The following PDE1C variants were observed in gnomAD, a reference collection of about 807,000 sequenced individuals.
PDE1C encodes dual specificity calcium/calmodulin-dependent 3',5'-cyclic nucleotide phosphodiesterase 1C.
PDE1C carries 62 observed loss-of-function variants against 93.1 expected under a neutral mutation model. The ratio of observed to expected loss-of-function variants is 0.67; its 90% CI spans 0.54 to 0.82. PDE1C has a LOEUF of 0.82. Ranked by LOEUF, PDE1C falls within the 40% of genes least tolerant of loss-of-function variation. PDE1C has a pLI of 0.00. For missense variants in PDE1C, 742 were observed against 884.6 expected (o/e 0.84, Z 2.04); for synonymous variants, 325 against 310.1 (o/e 1.05, Z -0.50).
chr7:31,823,330 G>C (rs1478703165), intron 13 of PDE1C, 82 bp from the exon 14 acceptor site: 1 of 1,091,066 alleles, frequency 9.2e-7, no homozygotes, highest in Non-Finnish European at 1.3e-6. Flanking sequence ...GAGGAGGAAT[G>C]GTTAGCACTC....
At chr7:32,320,921 G>C (rs1783279154) in intron 1 of PDE1C, among the ~76,000 whole-genome samples, 1 of 152,122 alleles carries the variant, frequency 6.6e-6, no homozygotes, top group Admixed American at 6.5e-5. Flanking sequence ...GTTTACAGAG[G>C]AGTAAAGTGA....
intron 2 of PDE1C, among the ~76,000 whole-genome samples, chr7:31,914,384 T>A (rs1422087409): frequency 6.6e-6 from 1 of 152,190 alleles, no homozygotes; most frequent in Admixed American, 6.6e-5. Flanking sequence ...AACTTAGTGA[T>A]TCTACATCCA....
At chr7:31,863,056 A>G (rs1184882621) in intron 7 of PDE1C, among the ~76,000 whole-genome samples, 2 of 152,210 alleles carry the variant, frequency 1.3e-5, no homozygotes, top group African/African-American at 4.8e-5. Context: ...TTGAATTTAT[A>G]GATTACTTTG....
chr7:31,635,891 G>A, the PDE1C span, among the ~76,000 whole-genome samples: 4 of 152,072 alleles, frequency 2.6e-5, no homozygotes, highest in Non-Finnish European at 5.9e-5. Context: ...GTTTACCTAT[G>A]TAATAAACCT....
At chr7:31,960,045 T>C (rs914079791) in intron 2 of PDE1C, among the ~76,000 whole-genome samples, 3 of 151,428 alleles carry the variant, frequency 2.0e-5, no homozygotes, top group Non-Finnish European at 4.4e-5. Context: ...TTTTTTTGTA[T>C]TGTTAGTAGA....
At chr7:32,006,130 CAG>C (rs1363636525) in intron 2 of PDE1C, among the ~76,000 whole-genome samples, 1 of 152,064 alleles carries the variant, frequency 6.6e-6, no homozygotes, top group African/African-American at 2.4e-5. Flanking sequence ...AGAAAAGACA[CAG>C]GAGTTTTATT....
chr7:31,917,601 C>G (rs941383144), intron 2 of PDE1C, among the ~76,000 whole-genome samples: 1 of 151,650 alleles, frequency 6.6e-6, no homozygotes, highest in Non-Finnish European at 1.5e-5. Flanking sequence ...CTTATAGCAA[C>G]TGAATGAAAA....
chr7:32,318,001 G>T (rs768511144), intron 1 of PDE1C, among the ~76,000 whole-genome samples: 6 of 152,112 alleles, frequency 3.9e-5, no homozygotes, highest in Non-Finnish European at 8.8e-5. Context: ...GTCAGAGAGG[G>T]GAAAAGGTAA....
intron 2 of PDE1C, among the ~76,000 whole-genome samples, chr7:31,915,655 A>G (rs1801794248): frequency 6.6e-6 from 1 of 152,196 alleles, no homozygotes; most frequent in African/African-American, 2.4e-5. Flanking sequence ...CAATAATATT[A>G]GGATCCACCA....
intron 1 of PDE1C, among the ~76,000 whole-genome samples, chr7:32,276,197 C>T (rs758901267): frequency 1.4e-4 from 22 of 152,128 alleles, no homozygotes; most frequent in Non-Finnish European, 3.1e-4. Flanking sequence ...TTAATTTTCA[C>T]TATAACTCTA....
the PDE1C span, among the ~76,000 whole-genome samples, chr7:31,710,572 C>T: frequency 2.0e-5 from 3 of 152,146 alleles, no homozygotes; most frequent in Non-Finnish European, 2.9e-5. Flanking sequence ...CAAGGATAGA[C>T]TGAGATCCCA....
At chr7:31,973,563 G>A (rs1238013222) in intron 2 of PDE1C, among the ~76,000 whole-genome samples, 1 of 152,064 alleles carries the variant, frequency 6.6e-6, no homozygotes. Flanking sequence ...ACAATATAAT[G>A]TTTATAATGT....
At chr7:31,786,790 T>C (rs1441621206) in intron 16 of PDE1C, 1 of 152,180 alleles carries the variant, frequency 6.6e-6, no homozygotes, top group East Asian at 1.9e-4. Flanking sequence ...GATTTCATGC[T>C]TTTTTTCTAT....
At chr7:31,849,127 A>G (rs1233320409) in intron 8 of PDE1C, among the ~76,000 whole-genome samples, 2 of 152,206 alleles carry the variant, frequency 1.3e-5, no homozygotes, top group African/African-American at 2.4e-5. Context: ...TCCCGAGGTG[A>G]AAGATCTGCT....
chr7:32,220,429 C>T (rs549889132), intron 1 of PDE1C, among the ~76,000 whole-genome samples: 2 of 152,248 alleles, frequency 1.3e-5, no homozygotes, highest in East Asian at 3.9e-4. Context: ...CAAATCAACA[C>T]TGAGAAGTGG....
Position 32,411,741 on chromosome 7 carries a change from C to G in PDE1C, c.310+16081G>C, listed in dbSNP as rs1785175001. 2.6e-5 allele frequency among the ~76,000 whole-genome samples: 4 copies of G among 152,010 alleles called. No individual in the cohort carries two copies. The South Asian group carries it at 8.3e-4, about 31-fold the overall frequency. On this transcript the variant is annotated intron_variant, in intron 1 of 1. Coordinates refer to the PDE1C transcript ENST00000672256. ...ACCTTAGCTTACTGTAACATTTTTA[C>G]TTTATAGACTTTTTAAGTGTTTTTA...
At chr7:32,239,691 T>A (rs967716763) in intron 1 of PDE1C, among the ~76,000 whole-genome samples, 1 of 152,168 alleles carries the variant, frequency 6.6e-6, no homozygotes. Flanking sequence ...ATAGCAATGT[T>A]CTTTAGAGGA....
At chr7:31,923,502 T>C (rs1364977344) in intron 2 of PDE1C, among the ~76,000 whole-genome samples, 3 of 152,198 alleles carry the variant, frequency 2.0e-5, no homozygotes, top group Non-Finnish European at 4.4e-5. Flanking sequence ...TATATAATCA[T>C]GGTTAATGAT....
intron 1 of PDE1C, among the ~76,000 whole-genome samples, chr7:32,066,638 AT>A (rs1795442218): frequency 6.6e-6 from 1 of 152,128 alleles, no homozygotes; most frequent in African/African-American, 2.4e-5. Flanking sequence ...TCATAACCCA[AT>A]TGCTCAAACC....
Sources: gnomAD v4.1 joint callset for allele counts (sites outside exome capture counted in the v4.1 genomes callset) on GRCh38, gnomAD v4.1.1 for gene constraint, MANE v1.5 for transcripts, NCBI Gene and HGNC (gene_info 2026-07-23, HGNC 2026-07-21) for gene names.